CALN1: variants seen among roughly 807,000 people sequenced by gnomAD.
CALN1 encodes calcium-binding protein 8.
In CALN1, 17 loss-of-function variants were observed where a neutral mutation model predicts 30.6. That is an observed-to-expected ratio of 0.56 (90% CI 0.38 to 0.83). CALN1 has a LOEUF of 0.83. CALN1 is among the 40% of genes least tolerant of loss of function. The pLI, the probability that CALN1 is intolerant of heterozygous loss-of-function variation, is 0.00. For synonymous variants in CALN1, 156 were observed against 131.4 expected, an observed-to-expected ratio of 1.19 and a Z score of -1.28; for missense variants, 291 against 354.9, an observed-to-expected ratio of 0.82 and a Z score of 1.45.
intron 3 of CALN1, among the ~76,000 whole-genome samples, chr7:72,116,819 C>A (rs1157928659): frequency 6.6e-6 from 1 of 152,104 alleles, no homozygotes; most frequent in Non-Finnish European, 1.5e-5. Context: ...TTATTCTGAG[C>A]CAATATGAAT....
At chr7:72,181,049 G>A (rs1387807754) in intron 3 of CALN1, among the ~76,000 whole-genome samples, 3 of 141,080 alleles carry the variant, frequency 2.1e-5, no homozygotes, top group East Asian at 2.3e-4. Context: ...AGTGAGCCAC[G>A]ATCACGCCAC....
intron 3 of CALN1, among the ~76,000 whole-genome samples, chr7:72,127,618 GGT>G (rs1286348738): frequency 3.9e-5 from 6 of 152,110 alleles, no homozygotes; most frequent in Admixed American, 3.9e-4. Flanking sequence ...TGAAAACTGG[GGT>G]TTGGGATGAA....
At position 72,074,035 on chromosome 7, in the gene CALN1, G is replaced by A. The variant is rs144526951; in HGVS notation, c.388+32116C>T. ...TAAATATTTGATCAGCACCTATTAG[G>A]TGCAAGGAGTCGGATAAGAACTGGG... On this transcript the variant is annotated intron_variant, in intron 4 of 6. Transcript: ENST00000395275. Among the ~76,000 whole-genome samples the A allele has an allele frequency of 2.4e-3, 369 of 152,192 alleles. 2 individuals carry two copies. The highest frequency in any genetic ancestry group is 0.01 in the Middle Eastern group (3 of 294).
intron 3 of CALN1, among the ~76,000 whole-genome samples, chr7:72,139,309 T>G (rs933465639): frequency 6.6e-6 from 1 of 150,900 alleles, no homozygotes; most frequent in Non-Finnish European, 1.5e-5. Flanking sequence ...ACCCACCCTC[T>G]TCTACCCACC....
At chr7:72,082,960 G>C (rs1190414516) in intron 4 of CALN1, among the ~76,000 whole-genome samples, 1 of 152,180 alleles carries the variant, frequency 6.6e-6, no homozygotes, top group African/African-American at 2.4e-5. Flanking sequence ...CCAGCACTTT[G>C]GGAGGCTGAG....
At chr7:72,130,889 A>ATAG (rs1554449276) in intron 3 of CALN1, among the ~76,000 whole-genome samples, 4 of 63,452 alleles carry the variant, frequency 6.3e-5, no homozygotes, top group South Asian at 5.6e-4. Flanking sequence ...ATTTGAATAA[A>ATAG]CAGGTTATTT....
At chr7:72,293,442 C>T (rs569356690) in intron 2 of CALN1, among the ~76,000 whole-genome samples, 2 of 152,096 alleles carry the variant, frequency 1.3e-5, no homozygotes, top group Non-Finnish European at 2.9e-5. Context: ...AAAAGCAGAT[C>T]GAGATGGGGA....
At chr7:72,373,453 C>G (rs1168710177) in intron 2 of CALN1, among the ~76,000 whole-genome samples, 1 of 152,154 alleles carries the variant, frequency 6.6e-6, no homozygotes, top group South Asian at 2.1e-4. Flanking sequence ...AATACTCAGT[C>G]AATAGAAACC....
intron 2 of CALN1, among the ~76,000 whole-genome samples, chr7:72,359,155 C>G (rs997722053): frequency 6.6e-6 from 1 of 152,078 alleles, no homozygotes; most frequent in African/African-American, 2.4e-5. Context: ...ATCTCATACC[C>G]TTTATCTGTG....
In CALN1 at chr7:71,783,048, T is replaced by C. The variant is rs571172733; in HGVS notation, c.*4727A>G. 3 of 152,290 alleles carry C rather than the reference T, an allele frequency of 2.0e-5. No individual in the cohort carries two copies. The highest frequency in any genetic ancestry group is 4.8e-5 in the African/African-American group (2 of 41,548). 9.4% of individuals were successfully genotyped at this position (152,290 alleles called of 1,614,324 possible). A position where few individuals can be genotyped will look rare whatever the true frequency, so the allele number is the denominator to read the frequency against. On this transcript the variant is annotated 3_prime_UTR_variant, in exon 7 of 7. Coordinates refer to ENST00000395275, the MANE Select transcript of CALN1 (RefSeq NM_031468.4). ...TATAGGTGTGAGCCACCGCACCTGG[T>C]CCTTAATGCTTCTTTTCTATTTCAG...
chr7:71,816,523 C>T (rs1489876553), intron 5 of CALN1, among the ~76,000 whole-genome samples: 33 of 152,120 alleles, frequency 2.2e-4, no homozygotes, highest in Admixed American at 2.2e-3. Context: ...AAATGAGTAA[C>T]CATTTCCTAA....
At chr7:72,342,872 A>T (rs1441696836) in intron 2 of CALN1, among the ~76,000 whole-genome samples, 1 of 152,194 alleles carries the variant, frequency 6.6e-6, no homozygotes, top group African/African-American at 2.4e-5. Context: ...AAAATCATTC[A>T]AAAAATACAT....
chr7:72,465,311 G>A, the CALN1 span, among the ~76,000 whole-genome samples: 1 of 128,706 alleles, frequency 7.8e-6, no homozygotes, highest in African/African-American at 3.2e-5. Context: ...TATCACTTCA[G>A]ATGGTAAATT....
chr7:72,096,100 T>C (rs1046604148), intron 4 of CALN1, among the ~76,000 whole-genome samples: 4 of 146,976 alleles, frequency 2.7e-5, no homozygotes, highest in African/African-American at 1.0e-4. Context: ...TAAAGATAGA[T>C]AGATAGATAG....
At chr7:72,411,927 A>T (rs555690516) in intron 1 of CALN1, 131 bp downstream of exon 1, 4 of 152,344 alleles carry the variant, frequency 2.6e-5, no homozygotes, top group South Asian at 4.1e-4. Flanking sequence ...AGAAAAAATC[A>T]TAGATTAAAA....
At chr7:72,471,148 C>T in the CALN1 span, among the ~76,000 whole-genome samples, 1 of 152,120 alleles carries the variant, frequency 6.6e-6, no homozygotes, top group Non-Finnish European at 1.5e-5. Context: ...GAGATGGGGT[C>T]TTGCTATCTT....
intron 2 of CALN1, chr7:72,337,210 G>A: frequency 3.0e-6 from 3 of 985,182 alleles, no homozygotes; most frequent in Non-Finnish European, 3.6e-6. Flanking sequence ...GGATCCCCCA[G>A]GGCCTTGCCG....
At chr7:72,053,104 C>T (rs903944097) in intron 4 of CALN1, among the ~76,000 whole-genome samples, 2 of 152,302 alleles carry the variant, frequency 1.3e-5, no homozygotes, top group African/African-American at 4.8e-5. Flanking sequence ...GTGACGGGAG[C>T]CTGTAATCCC....
At chr7:72,174,103 A>C (rs1789168738) in intron 3 of CALN1, among the ~76,000 whole-genome samples, 1 of 152,166 alleles carries the variant, frequency 6.6e-6, no homozygotes, top group Non-Finnish European at 1.5e-5. Flanking sequence ...GAGGCTTCAA[A>C]AATGAAGAAA....
Sources: gnomAD v4.1 joint callset for allele counts (sites outside exome capture counted in the v4.1 genomes callset) on GRCh38, gnomAD v4.1.1 for gene constraint, MANE v1.5 for transcripts, NCBI Gene and HGNC (gene_info 2026-07-23, HGNC 2026-07-21) for gene names.